The following KCNIP4 variants were observed in gnomAD, a reference collection of about 807,000 sequenced individuals.
The protein encoded by KCNIP4 is Kv channel-interacting protein 4.
A neutral mutation model predicts 34.0 loss-of-function variants in KCNIP4; 12 were observed. The ratio of observed to expected loss-of-function variants is 0.35; its 90% CI spans 0.23 to 0.57. KCNIP4 has a LOEUF of 0.57. Among genes scored for constraint, KCNIP4 ranks in the 20% least tolerant of loss-of-function variants. The probability of loss-of-function intolerance (pLI) is 0.83; values close to 1 mark genes in which losing one functional copy is unlikely to be tolerated. For missense variants in KCNIP4, 238 were observed against 311.7 expected, an observed-to-expected ratio of 0.76 and a Z score of 1.78; for synonymous variants, 124 against 102.2, an observed-to-expected ratio of 1.21 and a Z score of -1.29.
intron 1 of KCNIP4, among the ~76,000 whole-genome samples, chr4:21,284,595 G>A (rs1225472197): frequency 1.3e-5 from 2 of 152,188 alleles, no homozygotes; most frequent in Non-Finnish European, 2.9e-5. Flanking sequence ...TAGGAGCTAA[G>A]ATTTTTCAAG....
intron 1 of KCNIP4, among the ~76,000 whole-genome samples, chr4:21,405,648 C>G (rs1723921165): frequency 6.6e-6 from 1 of 152,166 alleles, no homozygotes; most frequent in Non-Finnish European, 1.5e-5. Flanking sequence ...CAGGATCATG[C>G]ATGACACATG....
intron 1 of KCNIP4, among the ~76,000 whole-genome samples, chr4:20,963,741 G>A (rs1007550473): frequency 2.0e-5 from 3 of 152,158 alleles, no homozygotes; most frequent in Non-Finnish European, 2.9e-5. Flanking sequence ...AGCTCAGATG[G>A]ATGCAGGAGA....
intron 1 of KCNIP4, among the ~76,000 whole-genome samples, chr4:21,917,487 G>A (rs772598094): frequency 2.6e-5 from 4 of 151,982 alleles, no homozygotes; most frequent in Non-Finnish European, 5.9e-5. Flanking sequence ...ACACAGATAC[G>A]CCCCAAACCA....
intron 1 of KCNIP4, among the ~76,000 whole-genome samples, chr4:21,237,500 A>G (rs1156953009): frequency 6.6e-6 from 1 of 152,188 alleles, no homozygotes; most frequent in East Asian, 1.9e-4. Flanking sequence ...GTTAAAGAAG[A>G]AAAGAGAGAA....
intron 5 of KCNIP4, among the ~76,000 whole-genome samples, chr4:20,735,862 G>T (rs1578432423): frequency 6.6e-6 from 1 of 152,238 alleles, no homozygotes; most frequent in Admixed American, 6.5e-5. Flanking sequence ...GTACAGCAGG[G>T]TTAACGTTAC....
At chr4:20,833,823 C>T (rs1718723387) in intron 3 of KCNIP4, among the ~76,000 whole-genome samples, 1 of 152,108 alleles carries the variant, frequency 6.6e-6, no homozygotes, top group Non-Finnish European at 1.5e-5. Flanking sequence ...CTCATTTTTA[C>T]TTCAGTAATT....
At chr4:21,621,476 C>T (rs1025640937) in intron 1 of KCNIP4, among the ~76,000 whole-genome samples, 2 of 152,148 alleles carry the variant, frequency 1.3e-5, no homozygotes, top group African/African-American at 4.8e-5. Flanking sequence ...ATGGATCGTC[C>T]TGCCTCAGCC....
chr4:21,543,856 A>G (rs1737907711), intron 1 of KCNIP4, among the ~76,000 whole-genome samples: 1 of 152,146 alleles, frequency 6.6e-6, no homozygotes, highest in African/African-American at 2.4e-5. Context: ...TCTCTCACAC[A>G]TACTTCATGA....
intron 1 of KCNIP4, among the ~76,000 whole-genome samples, chr4:21,630,799 A>G (rs900036374): frequency 6.6e-6 from 1 of 152,192 alleles, no homozygotes; most frequent in South Asian, 2.1e-4. Flanking sequence ...CGCCCGCAAG[A>G]AAGAGCCCAA....
chr4:21,396,548 C>G (rs1258084438), intron 1 of KCNIP4, among the ~76,000 whole-genome samples: 6 of 7,240 alleles, frequency 8.3e-4, no homozygotes, highest in African/African-American at 1.3e-3. Flanking sequence ...GAGCAAGACT[C>G]CAAAAAAAAA....
rs1000787311 is a variant in KCNIP4 at position 20,875,550 on chromosome 4, T to C, written c.163+7058A>G. Among the ~76,000 whole-genome samples the C allele has an allele frequency of 3.3e-5, 5 of 152,316 alleles. No individual in the cohort carries two copies. The South Asian group carries it at 8.3e-4, about 25-fold the overall frequency. On this transcript the variant is annotated intron_variant, in intron 2 of 8. Transcript: ENST00000382152. ...GACACTTTTAGGGCTTAAAATGAAA[T>C]TGAATGAATCTTGCTTTCTATTAAG...
At chr4:20,969,091 C>G (rs1734668674) in intron 1 of KCNIP4, among the ~76,000 whole-genome samples, 1 of 152,070 alleles carries the variant, frequency 6.6e-6, no homozygotes. Flanking sequence ...TAAATACAGA[C>G]CCAGGAAATA....
chr4:21,813,577 T>C (rs1053974378), intron 1 of KCNIP4, among the ~76,000 whole-genome samples: 1 of 152,052 alleles, frequency 6.6e-6, no homozygotes, highest in African/African-American at 2.4e-5. Context: ...GTACTCATGA[T>C]AAATGAGTAC....
At chr4:20,835,134 G>A (rs1176981920) in intron 3 of KCNIP4, among the ~76,000 whole-genome samples, 1 of 152,108 alleles carries the variant, frequency 6.6e-6, no homozygotes, top group Non-Finnish European at 1.5e-5. Flanking sequence ...TGTCTGCTTA[G>A]CATTCAATGC....
At chr4:21,944,468 A>C (rs990815062) in intron 1 of KCNIP4, among the ~76,000 whole-genome samples, 1 of 151,414 alleles carries the variant, frequency 6.6e-6, no homozygotes, top group African/African-American at 2.4e-5. Context: ...GAGGCAGGAG[A>C]AATGCTTGAA....
At chr4:21,007,076 A>C (rs1738632785) in intron 1 of KCNIP4, among the ~76,000 whole-genome samples, 1 of 152,192 alleles carries the variant, frequency 6.6e-6, no homozygotes, top group South Asian at 2.1e-4. Context: ...CACCAGTAGA[A>C]CTTAAAATAA....
intron 1 of KCNIP4, among the ~76,000 whole-genome samples, chr4:21,131,394 G>C (rs1047871753): frequency 2.0e-5 from 3 of 152,150 alleles, no homozygotes; most frequent in African/African-American, 7.2e-5. Flanking sequence ...TGGATCACGA[G>C]GTCAGGAAAT....
chr4:21,553,715 TA>T (rs1738762483), intron 1 of KCNIP4, among the ~76,000 whole-genome samples: 1 of 116,012 alleles, frequency 8.6e-6, no homozygotes, highest in Non-Finnish European at 1.9e-5. Context: ...AGTTAAAGGA[TA>T]AAATGAAACA....
chr4:21,409,183 T>G (rs775159814), intron 1 of KCNIP4, among the ~76,000 whole-genome samples: 1 of 151,966 alleles, frequency 6.6e-6, no homozygotes, highest in Non-Finnish European at 1.5e-5. Flanking sequence ...CATAGCTCAC[T>G]GCAACCTCGA....
Sources: gnomAD v4.1 joint callset for allele counts (sites outside exome capture counted in the v4.1 genomes callset) on GRCh38, gnomAD v4.1.1 for gene constraint, MANE v1.5 for transcripts, NCBI Gene and HGNC (gene_info 2026-07-23, HGNC 2026-07-21) for gene names.